The following KCNB2 variants were observed in gnomAD, a reference collection of about 807,000 sequenced individuals.
KCNB2 encodes potassium voltage-gated channel subfamily B member 2.
A neutral mutation model predicts 61.5 loss-of-function variants in KCNB2; 15 were observed. The ratio of observed to expected loss-of-function variants is 0.24; its 90% CI spans 0.16 to 0.38. The LOEUF (loss-of-function observed/expected upper bound fraction) is 0.38, where lower values mean the gene tolerates loss of function less well. Ranked by LOEUF, KCNB2 falls within the 10% of genes least tolerant of loss-of-function variation. KCNB2 has a pLI of 1.00. For missense variants in KCNB2, 828 were observed against 1,125.2 expected (o/e 0.74, Z 3.78); for synonymous variants, 457 against 446.0 (o/e 1.02, Z -0.31).
chr8:72,746,436 TTTAAA>T (rs1370775146), intron 2 of KCNB2, among the ~76,000 whole-genome samples: 1 of 152,170 alleles, frequency 6.6e-6, no homozygotes, highest in African/African-American at 2.4e-5. Context: ...CTGAAAACTC[TTTAAA>T]ATGTTCTTGT....
chr8:72,613,249 C>A (rs769785893), intron 2 of KCNB2, among the ~76,000 whole-genome samples: 13 of 152,126 alleles, frequency 8.5e-5, no homozygotes, highest in Non-Finnish European at 1.9e-4. Flanking sequence ...TAAATTCAAT[C>A]ATAGCAAGAA....
intron 2 of KCNB2, among the ~76,000 whole-genome samples, chr8:72,739,942 A>G (rs1807920875): frequency 6.6e-6 from 1 of 152,052 alleles, no homozygotes; most frequent in South Asian, 2.1e-4. Context: ...CATTTAGTGA[A>G]TATTTGCTGA....
intron 2 of KCNB2, among the ~76,000 whole-genome samples, chr8:72,898,450 A>G (rs60978020): frequency 5.6e-4 from 85 of 151,978 alleles, no homozygotes; most frequent in South Asian, 2.3e-3. Flanking sequence ...ATTTAAAAAA[A>G]GAAAAAAAAA....
chr8:72,543,450 T>A (rs1419426290), intron 1 of KCNB2, among the ~76,000 whole-genome samples: 1 of 152,192 alleles, frequency 6.6e-6, no homozygotes. Flanking sequence ...ATTTGGCACT[T>A]TGAAATAAGA....
At chr8:72,711,346 G>A (rs1807322987) in intron 2 of KCNB2, among the ~76,000 whole-genome samples, 1 of 152,176 alleles carries the variant, frequency 6.6e-6, no homozygotes, top group Non-Finnish European at 1.5e-5. Context: ...CAGCACTCGT[G>A]ACTCCCATGC....
At chr8:72,777,739 C>A (rs373608821) in intron 2 of KCNB2, among the ~76,000 whole-genome samples, 14 of 152,132 alleles carry the variant, frequency 9.2e-5, no homozygotes, top group Admixed American at 3.9e-4. Context: ...GTTTAGTGGT[C>A]ATTGGAGAGA....
chr8:72,837,836 A>T (rs916904212), intron 2 of KCNB2, among the ~76,000 whole-genome samples: 32 of 151,960 alleles, frequency 2.1e-4, no homozygotes, highest in Admixed American at 1.2e-3. Context: ...TCCTTTTTTT[A>T]AAAAAAAATT....
intron 2 of KCNB2, among the ~76,000 whole-genome samples, chr8:72,762,145 C>T (rs1162419209): frequency 3.9e-5 from 6 of 152,204 alleles, no homozygotes; most frequent in Non-Finnish European, 7.3e-5. Flanking sequence ...AACATGCAAC[C>T]ATGTCACCGA....
intron 2 of KCNB2, among the ~76,000 whole-genome samples, chr8:72,913,347 A>T (rs1348789390): frequency 6.6e-6 from 1 of 152,240 alleles, no homozygotes; most frequent in Non-Finnish European, 1.5e-5. Context: ...GGATATGGAC[A>T]GTATGGTTGT....
intron 2 of KCNB2, among the ~76,000 whole-genome samples, chr8:72,598,910 A>G (rs1488673016): frequency 6.6e-6 from 1 of 152,226 alleles, no homozygotes; most frequent in Non-Finnish European, 1.5e-5. Flanking sequence ...AGACCTCTTC[A>G]AGGAGAACTG....
chr8:72,898,306 G>C (rs28421480), intron 2 of KCNB2, among the ~76,000 whole-genome samples: 10,767 of 152,014 alleles, frequency 0.071, 397 homozygotes, highest in South Asian at 0.11. Flanking sequence ...GTAGGGGAAG[G>C]GGGGAGGGAT....
chr8:72,933,895 T>C (rs1289605455), intron 2 of KCNB2, among the ~76,000 whole-genome samples: 1 of 152,198 alleles, frequency 6.6e-6, no homozygotes, highest in Non-Finnish European at 1.5e-5. Context: ...TCTGAAGTAC[T>C]CTCAAAAAGA....
intron 2 of KCNB2, among the ~76,000 whole-genome samples, chr8:72,845,779 G>A (rs1410221801): frequency 5.2e-5 from 2 of 38,678 alleles, no homozygotes; most frequent in East Asian, 2.6e-4. Flanking sequence ...AATGGCAGAT[G>A]CCCCTCCCCC....
At chr8:72,723,472 G>C (rs370699698) in intron 2 of KCNB2, among the ~76,000 whole-genome samples, 1 of 152,088 alleles carries the variant, frequency 6.6e-6, no homozygotes, top group South Asian at 2.1e-4. Context: ...GACTGTGTGC[G>C]CTCTCACAGG....
At chr8:72,674,979 A>G (rs1046969358) in intron 2 of KCNB2, among the ~76,000 whole-genome samples, 1 of 152,216 alleles carries the variant, frequency 6.6e-6, no homozygotes, top group Non-Finnish European at 1.5e-5. Flanking sequence ...ATGTTCCTAT[A>G]ACAACCCAAA....
chr8:72,546,672 C>T (rs112960547), intron 1 of KCNB2, among the ~76,000 whole-genome samples: 2,513 of 152,258 alleles, frequency 0.017, 62 homozygotes, highest in African/African-American at 0.057. Flanking sequence ...CACTCTGTCA[C>T]CCAGTCTAGA....
intron 2 of KCNB2, among the ~76,000 whole-genome samples, chr8:72,737,280 C>A (rs1807863666): frequency 1.3e-5 from 2 of 152,062 alleles, no homozygotes; most frequent in South Asian, 4.1e-4. Flanking sequence ...AACTAAGGAC[C>A]ATTAGTTGTG....
At chr8:72,892,213 T>G (rs1805907650) in intron 2 of KCNB2, among the ~76,000 whole-genome samples, 1 of 152,166 alleles carries the variant, frequency 6.6e-6, no homozygotes, top group African/African-American at 2.4e-5. Flanking sequence ...TTCCCCATAC[T>G]GGGCTCTCAC....
chr8:72,873,771 C>T (rs1463818959), intron 2 of KCNB2, among the ~76,000 whole-genome samples: 2 of 152,228 alleles, frequency 1.3e-5, no homozygotes, highest in Non-Finnish European at 2.9e-5. Flanking sequence ...AGAGTCTTTC[C>T]ATTGAGAACA....
Sources: allele counts gnomAD v4.1 joint callset (sites outside exome capture counted in the v4.1 genomes callset), GRCh38; gene constraint gnomAD v4.1.1; transcripts MANE v1.5; gene names NCBI Gene and HGNC (gene_info 2026-07-23, HGNC 2026-07-21).